Variants in THSD4 observed in about 807,000 individuals in gnomAD.
The protein encoded by THSD4 is thrombospondin type 1 domain containing 4, also known as thrombospondin type-1 domain-containing protein 4.
A neutral mutation model predicts 119.0 loss-of-function variants in THSD4; 69 were observed. That is an observed-to-expected ratio of 0.58 (90% CI 0.48 to 0.71). The LOEUF is 0.71. THSD4 is among the 30% of genes least tolerant of loss of function. The pLI is 0.00. For synonymous variants in THSD4, 524 were observed against 540.4 expected (o/e 0.97, Z 0.42); for missense variants, 1,393 against 1,391.1 (o/e 1.00, Z -0.02).
intron 6 of THSD4, among the ~76,000 whole-genome samples, chr15:71,274,849 T>C (rs1229486435): frequency 6.6e-6 from 1 of 152,192 alleles, no homozygotes; most frequent in African/African-American, 2.4e-5. Context: ...CATGTCATTC[T>C]GGGTAGTTAG....
intron 8 of THSD4, among the ~76,000 whole-genome samples, chr15:71,663,343 G>C (rs1398686081): frequency 6.6e-6 from 1 of 152,194 alleles, no homozygotes. Context: ...GGGTGCACAT[G>C]AAATCGGTAG....
At chr15:71,717,594 C>G (rs9302259) in intron 8 of THSD4, among the ~76,000 whole-genome samples, 53,912 of 107,052 alleles carry the variant, frequency 0.5, 10,564 homozygotes, top group African/African-American at 0.58. Flanking sequence ...TGGCATTTAG[C>G]ATAGCAAAAA....
intron 2 of THSD4, among the ~76,000 whole-genome samples, chr15:71,148,768 G>GC (rs1847075143): frequency 1.3e-5 from 2 of 152,262 alleles, no homozygotes; most frequent in Non-Finnish European, 2.9e-5. Context: ...TCCTAATGAG[G>GC]CCCCGCAGCA....
At chr15:71,475,011 A>G (rs571249410) in intron 7 of THSD4, among the ~76,000 whole-genome samples, 1 of 152,288 alleles carries the variant, frequency 6.6e-6, no homozygotes, top group South Asian at 2.1e-4. Flanking sequence ...CAGACCGACT[A>G]CTGATTCAGA....
At chr15:71,488,649 C>A (rs1172034841) in intron 7 of THSD4, among the ~76,000 whole-genome samples, 1 of 151,136 alleles carries the variant, frequency 6.6e-6, no homozygotes, top group Non-Finnish European at 1.5e-5. Flanking sequence ...TATTTTTTTT[C>A]AAAAATTGTC....
At chr15:71,269,332 GA>G (rs2044502772) in intron 6 of THSD4, among the ~76,000 whole-genome samples, 1 of 152,064 alleles carries the variant, frequency 6.6e-6, no homozygotes, top group Non-Finnish European at 1.5e-5. Context: ...CACATAAAGA[GA>G]ACCAATGACA....
intron 7 of THSD4, chr15:71,547,174 C>T: frequency 1.5e-6 from 2 of 1,314,640 alleles, no homozygotes; most frequent in South Asian, 2.1e-5. Context: ...CAGCTGGCTC[C>T]TGTCCCCTCC....
intron 6 of THSD4, among the ~76,000 whole-genome samples, chr15:71,294,131 G>A (rs542088436): frequency 1.3e-5 from 2 of 152,294 alleles, no homozygotes; most frequent in South Asian, 4.1e-4. Flanking sequence ...CAGCAAGTCT[G>A]TAACACCTCT....
Position 71,726,862 on chromosome 15 carries a change from A to G in THSD4, c.1358-1687A>G, listed in dbSNP as rs538565783. Among the ~76,000 whole-genome samples the G allele has an allele frequency of 4.6e-5, 7 of 151,770 alleles. No individual in the cohort carries two copies. The East Asian group carries it at 1.4e-3, about 30-fold the overall frequency. On this transcript the variant is annotated intron_variant, in intron 8 of 17. Transcript: ENST00000261862. Reference sequence around the variant, plus strand: ...TGAGGCAGGAGAATTGCTTGAACCCAGGGGGCAGAGGTTGCAGTGAGACGA... The same window carrying G: ...TGAGGCAGGAGAATTGCTTGAACCCGGGGGGCAGAGGTTGCAGTGAGACGA...
chr15:71,161,930 C>T (rs1056294368), intron 3 of THSD4, among the ~76,000 whole-genome samples: 5 of 151,692 alleles, frequency 3.3e-5, no homozygotes, highest in African/African-American at 1.2e-4. Context: ...TTGTGGTTAC[C>T]ATGGGGATAG....
At chr15:71,679,266 G>A (rs1365784672) in intron 8 of THSD4, among the ~76,000 whole-genome samples, 1 of 152,210 alleles carries the variant, frequency 6.6e-6, no homozygotes, top group Non-Finnish European at 1.5e-5. Context: ...GGCACCTGGG[G>A]GAGGTGGTAT....
At chr15:71,654,741 T>G (rs2051156099) in intron 7 of THSD4, among the ~76,000 whole-genome samples, 1 of 152,220 alleles carries the variant, frequency 6.6e-6, no homozygotes, top group Non-Finnish European at 1.5e-5. Context: ...TACTAATCAT[T>G]TTAATATTCT....
chr15:71,209,814 G>A (rs987577856), intron 3 of THSD4, among the ~76,000 whole-genome samples: 15 of 152,196 alleles, frequency 9.9e-5, no homozygotes, highest in Middle Eastern at 3.4e-3. Context: ...TCATGGGGGC[G>A]GGTCTTTCCT....
At chr15:71,591,423 C>T (rs1001648023) in intron 7 of THSD4, among the ~76,000 whole-genome samples, 4 of 152,216 alleles carry the variant, frequency 2.6e-5, no homozygotes, top group African/African-American at 9.7e-5. Context: ...AGATTTTGAT[C>T]GCTCAGACAG....
At chr15:71,682,071 C>A (rs989890289) in intron 8 of THSD4, among the ~76,000 whole-genome samples, 1 of 152,150 alleles carries the variant, frequency 6.6e-6, no homozygotes, top group African/African-American at 2.4e-5. Context: ...TCCGACCCCC[C>A]CTGGAAAGGA....
rs185399439 is a variant in THSD4, at chr15:71,438,864, A to C, written c.1152+27041A>C. Among the ~76,000 whole-genome samples, 5 of 152,320 alleles carry C rather than the reference A, an allele frequency of 3.3e-5. No homozygotes were observed. The East Asian group carries it at 9.6e-4, about 29-fold the overall frequency. Reference sequence around the variant, plus strand: ...TCTTTGTTCATCACTTGGAAAAGCCACCTGTATTTAGGTACCTTAACAAGA... The same window carrying C: ...TCTTTGTTCATCACTTGGAAAAGCCCCCTGTATTTAGGTACCTTAACAAGA... On this transcript the variant is annotated intron_variant, in intron 7 of 17. Coordinates refer to ENST00000261862, the MANE Select transcript of THSD4 (RefSeq NM_024817.3).
chr15:71,425,863 C>T (rs2046860217), intron 7 of THSD4, among the ~76,000 whole-genome samples: 1 of 152,088 alleles, frequency 6.6e-6, no homozygotes, highest in African/African-American at 2.4e-5. Flanking sequence ...GATGAAGCCC[C>T]CTTGGCCAAA....
intron 7 of THSD4, among the ~76,000 whole-genome samples, chr15:71,621,031 C>T (rs1420056527): frequency 1.3e-5 from 2 of 152,146 alleles, no homozygotes; most frequent in African/African-American, 4.8e-5. Context: ...TCCTTTGCCC[C>T]ATATTCTATG....
At chr15:71,337,981 C>T (rs777431468) in intron 6 of THSD4, among the ~76,000 whole-genome samples, 1 of 152,146 alleles carries the variant, frequency 6.6e-6, no homozygotes, top group Non-Finnish European at 1.5e-5. Context: ...TGAGGATTAA[C>T]TGGAAAAATG....
Sources: allele counts gnomAD v4.1 joint callset (sites outside exome capture counted in the v4.1 genomes callset), GRCh38; gene constraint gnomAD v4.1.1; transcripts MANE v1.5; gene names NCBI Gene and HGNC (gene_info 2026-07-23, HGNC 2026-07-21).